DENND4A: variants seen among roughly 807,000 people sequenced by gnomAD.
The protein encoded by DENND4A is C-myc promoter-binding protein.
Under a neutral mutation model 199.3 loss-of-function variants are expected in DENND4A, and 70 were observed. The ratio of observed to expected loss-of-function variants is 0.35; its 90% CI spans 0.29 to 0.43. The LOEUF (loss-of-function observed/expected upper bound fraction) is 0.43. DENND4A is among the 20% of genes least tolerant of loss of function. The pLI, the probability that DENND4A is intolerant of heterozygous loss-of-function variation, is 1.00. For synonymous variants in DENND4A, 686 were observed against 766.9 expected (o/e 0.89, Z 1.74); for missense variants, 1,723 against 2,255.8 (o/e 0.76, Z 4.78).
chr15:65,732,704 G>A lies in DENND4A; in HGVS notation c.1107+48C>T, dbSNP rs146947016. On this transcript the variant is annotated intron_variant, in intron 8 of 32. Coordinates refer to ENST00000443035, the MANE Select transcript of DENND4A (RefSeq NM_001320835.1). ...TATTCTTATGTTACATTTTGACAGA[G>A]CCAATAACAACTCATAGGTCCCCCA... 3 of 1,086,312 alleles carry A rather than the reference G, an allele frequency of 2.8e-6. No individual in the cohort carries two copies. The African/African-American group carries it at 4.7e-5, about 17-fold the overall frequency. 67.3% of individuals were successfully genotyped at this position (1,086,312 alleles called of 1,614,324 possible). A position where few individuals can be genotyped will look rare whatever the true frequency, so the allele number is the denominator to read the frequency against.
intron 2 of DENND4A, among the ~76,000 whole-genome samples, chr15:65,757,886 C>A (rs2076750682): frequency 6.6e-6 from 1 of 152,004 alleles, no homozygotes; most frequent in Non-Finnish European, 1.5e-5. Flanking sequence ...GAGGCTGAGG[C>A]AGGAGAATCG....
intron 20 of DENND4A, among the ~76,000 whole-genome samples, chr15:65,700,105 A>G (rs1177312745): frequency 6.6e-6 from 1 of 152,118 alleles, no homozygotes; most frequent in African/African-American, 2.4e-5. Flanking sequence ...GCTTCCCCCC[A>G]TGATAATACC....
intron 2 of DENND4A, among the ~76,000 whole-genome samples, chr15:65,759,939 T>A (rs2076810007): frequency 6.6e-6 from 1 of 152,226 alleles, no homozygotes; most frequent in African/African-American, 2.4e-5. Flanking sequence ...TTGCTAATTT[T>A]TTTTAAAGGG....
chr15:65,695,053 A>C (rs1340966140), intron 22 of DENND4A, among the ~76,000 whole-genome samples: 1 of 152,242 alleles, frequency 6.6e-6, no homozygotes, highest in Non-Finnish European at 1.5e-5. Context: ...TTAGTTACAA[A>C]GGACTAAATG....
chr15:65,723,212 T>C (rs1470313792), intron 11 of DENND4A, among the ~76,000 whole-genome samples: 1 of 152,180 alleles, frequency 6.6e-6, no homozygotes, highest in Non-Finnish European at 1.5e-5. Context: ...CCAGTTGCTT[T>C]GGAATCTTGC....
At chr15:65,747,916 T>G (rs1177184485) in intron 4 of DENND4A, among the ~76,000 whole-genome samples, 1 of 151,384 alleles carries the variant, frequency 6.6e-6, no homozygotes, top group Admixed American at 6.6e-5. Context: ...GGCGCGCGCC[T>G]GTAATCCCAG....
At chr15:65,720,427 T>C (rs979809184) in intron 12 of DENND4A, among the ~76,000 whole-genome samples, 2 of 151,800 alleles carry the variant, frequency 1.3e-5, no homozygotes, top group Non-Finnish European at 2.9e-5. Context: ...TTTTTTTTTT[T>C]TTGAGATGGA....
chr15:65,665,695 G>T (rs1265251019), intron 29 of DENND4A, among the ~76,000 whole-genome samples: 1 of 152,034 alleles, frequency 6.6e-6, no homozygotes, highest in Non-Finnish European at 1.5e-5. Flanking sequence ...CGTGAGAAAG[G>T]GTACCAAGAA....
chr15:65,696,309 C>T, intron 22 of DENND4A, 57 bp downstream of exon 22: 10 of 1,553,502 alleles, frequency 6.4e-6, no homozygotes, highest in Non-Finnish European at 8.7e-6. Context: ...TAAGTATTCA[C>T]TAGTCATACA....
chr15:65,727,858 A>C (rs1045809849), intron 11 of DENND4A: 1 of 393,096 alleles, frequency 2.5e-6, no homozygotes, highest in African/African-American at 2.1e-5. Context: ...TCCGATAGCT[A>C]TAACTTACAT....
Position 65,702,287 on chromosome 15 carries a change from C to T in DENND4A, c.2430+18G>A. On this transcript the variant is annotated intron_variant, in intron 17 of 32. Coordinates refer to ENST00000443035, the MANE Select transcript of DENND4A (RefSeq NM_001320835.1). ...CCATCTCAAAAAAATAAAATAACAA[C>T]AATAAAATAATTGTTACCTCATCAG... The T allele has an allele frequency of 1.9e-6, 3 of 1,541,272 alleles. No homozygotes were observed. In the South Asian group the frequency reaches 3.6e-5, roughly 18 times the overall value.
chr15:65,692,342 T>A (rs1385274065), intron 22 of DENND4A, among the ~76,000 whole-genome samples: 3 of 152,194 alleles, frequency 2.0e-5, no homozygotes, highest in Non-Finnish European at 4.4e-5. Context: ...CACTGTTTTC[T>A]ACCAAATTAC....
At chr15:65,771,210 C>G (rs2077115725) in intron 1 of DENND4A, 1 of 1,608,234 alleles carries the variant, frequency 6.2e-7, no homozygotes, top group Non-Finnish European at 8.5e-7. Context: ...CGCTCTAATT[C>G]TTTACAGTTG....
At chr15:65,668,401 G>A (rs2076113792) in intron 27 of DENND4A, among the ~76,000 whole-genome samples, 1 of 152,022 alleles carries the variant, frequency 6.6e-6, no homozygotes, top group South Asian at 2.1e-4. Context: ...TAGAGATGGG[G>A]TTTTGCCATG....
intron 15 of DENND4A, among the ~76,000 whole-genome samples, chr15:65,703,996 T>C (rs2074960996): frequency 6.6e-6 from 1 of 152,184 alleles, no homozygotes; most frequent in Non-Finnish European, 1.5e-5. Flanking sequence ...AACCTAACTA[T>C]AATAAAAGAG....
intron 14 of DENND4A, among the ~76,000 whole-genome samples, chr15:65,710,782 C>T (rs1489094403): frequency 6.6e-6 from 1 of 152,188 alleles, no homozygotes; most frequent in Non-Finnish European, 1.5e-5. Flanking sequence ...GGTCATGGGA[C>T]AAATCCCTCA....
chr15:65,690,792 G>A lies in DENND4A; in HGVS notation c.3802C>T (p.Pro1268Ser). 1 of 1,613,388 alleles carries A rather than the reference G, an allele frequency of 6.2e-7. No individual in the cohort carries two copies. The highest frequency in any genetic ancestry group is 8.5e-7 in the Non-Finnish European group (1 of 1,179,748). ...NMSSPLTSRT[P>S]SIDLQRACDD... ...CATGCCCGTTGTAAATCAATGCTTGGTGTACGACTTGTCAAAGGACTGCTC... is the reference window on the plus strand; with the variant it reads ...CATGCCCGTTGTAAATCAATGCTTGATGTACGACTTGTCAAAGGACTGCTC... The change falls in exon 23 of 33, where the codon CCA becomes TCA. Residue 1268 changes from proline (P) to serine (S), a missense_variant. This residue lies in a region of DENND4A where 650 missense variants were observed against 738.1 expected (regional missense o/e 0.88). Transcript: ENST00000443035.
rs2075807672 is a variant in DENND4A, at chr15:65,660,078, G to A, written c.*1773C>T. 2 of 487,168 alleles carry A rather than the reference G, an allele frequency of 4.1e-6. No individual in the cohort carries two copies. Among genetic ancestry groups the A allele is most frequent in the East Asian group, 3.3e-5 (1 of 30,750 alleles). The allele number at this position is 487,168 out of a possible 1,614,324, so 30.2% of individuals were successfully genotyped here. On this transcript the variant is annotated 3_prime_UTR_variant, in exon 33 of 33. Coordinates refer to ENST00000443035, the MANE Select transcript of DENND4A (RefSeq NM_001320835.1). ...CCCCTCTGAAATGTTTCTCTCAGTT[G>A]ACAACTTTCAAATGATTTAAAGAAC... is the stretch of plus-strand genomic sequence containing the variant.
At chr15:65,709,920 T>C (rs1477470034) in intron 14 of DENND4A, among the ~76,000 whole-genome samples, 2 of 151,790 alleles carry the variant, frequency 1.3e-5, no homozygotes. Flanking sequence ...AGATTTTGAA[T>C]AGATAAATAA....
Sources: allele counts gnomAD v4.1 joint callset (sites outside exome capture counted in the v4.1 genomes callset), GRCh38; gene constraint gnomAD v4.1.1; regional missense constraint gnomAD v4.1.1; transcripts MANE v1.5; gene names NCBI Gene and HGNC (gene_info 2026-07-23, HGNC 2026-07-21).